GAD2: variants seen among roughly 807,000 people sequenced by gnomAD.
The protein encoded by GAD2 is glutamate decarboxylase 2.
Under a neutral mutation model 80.1 loss-of-function variants are expected in GAD2, and 22 were observed. That is an observed-to-expected ratio of 0.27 (90% CI 0.20 to 0.39). The LOEUF (loss-of-function observed/expected upper bound fraction) is 0.39. GAD2 is among the 10% of genes least tolerant of loss of function. The pLI, the probability that GAD2 is intolerant of heterozygous loss-of-function variation, is 1.00. For missense variants in GAD2, 624 were observed against 738.4 expected, an observed-to-expected ratio of 0.85 and a Z score of 1.80; for synonymous variants, 274 against 256.9, an observed-to-expected ratio of 1.07 and a Z score of -0.64.
chr10:26,296,362 A>G (rs1280457301), intron 15 of GAD2, among the ~76,000 whole-genome samples: 6 of 152,244 alleles, frequency 3.9e-5, no homozygotes, highest in East Asian at 1.9e-4. Flanking sequence ...AGGAAACCTA[A>G]TAGTGGCTCA....
At chr10:26,244,562 G>A (rs1844782101) in intron 7 of GAD2, among the ~76,000 whole-genome samples, 1 of 152,114 alleles carries the variant, frequency 6.6e-6, no homozygotes, top group Non-Finnish European at 1.5e-5. Flanking sequence ...AAAAAGGAAG[G>A]AAATTCTCAC....
At chr10:26,262,269 G>GT (rs11424034) in intron 8 of GAD2, among the ~76,000 whole-genome samples, 39,114 of 135,872 alleles carry the variant, frequency 0.29, 6,621 homozygotes, top group African/African-American at 0.5. Context: ...TTGGTTATTA[G>GT]TTTTTTTTTT....
chr10:26,294,215 G>A (rs1361668953), intron 15 of GAD2, among the ~76,000 whole-genome samples: 2 of 152,158 alleles, frequency 1.3e-5, no homozygotes, highest in Admixed American at 6.5e-5. Flanking sequence ...CAAGAGCCCC[G>A]CAGGCTGTCC....
chr10:26,249,156 G>A (rs1049953091), intron 8 of GAD2, among the ~76,000 whole-genome samples: 2 of 152,108 alleles, frequency 1.3e-5, no homozygotes, highest in African/African-American at 4.8e-5. Flanking sequence ...TCTGCCTCCC[G>A]GGTTCAAGCG....
intron 8 of GAD2, among the ~76,000 whole-genome samples, chr10:26,254,726 G>A (rs1178420526): frequency 6.6e-6 from 1 of 152,228 alleles, no homozygotes; most frequent in Non-Finnish European, 1.5e-5. Context: ...TATTTTAAAT[G>A]CAGAGTGGGC....
At chr10:26,260,299 G>A (rs994938352) in intron 8 of GAD2, among the ~76,000 whole-genome samples, 12 of 151,824 alleles carry the variant, frequency 7.9e-5, no homozygotes, top group Non-Finnish European at 1.5e-4. Flanking sequence ...ACATTATTGC[G>A]GGTAAATATT....
intron 15 of GAD2, among the ~76,000 whole-genome samples, chr10:26,295,044 G>A (rs1311960979): frequency 6.6e-6 from 1 of 151,232 alleles, no homozygotes; most frequent in Non-Finnish European, 1.5e-5. Flanking sequence ...TTATCACTGG[G>A]CTGAGGGATG....
At chr10:26,292,690 G>A (rs1187064379) in intron 14 of GAD2, 118 bp downstream of exon 14, 1 of 880,296 alleles carries the variant, frequency 1.1e-6, no homozygotes, top group Non-Finnish European at 1.8e-6. Flanking sequence ...GGGAGCAGTG[G>A]ATGACGGGGT....
At chr10:26,218,112 G>C in intron 3 of GAD2, 121 bp downstream of exon 3, 1 of 1,063,300 alleles carries the variant, frequency 9.4e-7, no homozygotes, top group Non-Finnish European at 1.3e-6. Flanking sequence ...GCGGAGGCGG[G>C]ACCTGCCAGA....
At chr10:26,240,656 C>G (rs1243023826) in intron 7 of GAD2, among the ~76,000 whole-genome samples, 1 of 151,228 alleles carries the variant, frequency 6.6e-6, no homozygotes, top group Non-Finnish European at 1.5e-5. Flanking sequence ...CACTTAAACC[C>G]AGGAGGCGGA....
rs941980384 is a variant in GAD2 at position 26,301,488 on chromosome 10, A to G, written c.*527A>G. 2.0e-5 allele frequency: 3 copies of G among 152,116 alleles called. No homozygotes were observed. Among genetic ancestry groups the G allele is most frequent in the African/African-American group, 7.2e-5 (3 of 41,456 alleles). 9.4% of individuals were successfully genotyped at this position (152,116 alleles called of 1,614,324 possible). On this transcript the variant is annotated 3_prime_UTR_variant, in exon 16 of 16. Coordinates refer to ENST00000376261, the MANE Select transcript of GAD2 (RefSeq NM_001134366.2). ...GGAAAATATATATATTAAAAAAGAT[A>G]TCCTATTTTGTAACATATAGATTTT... is the stretch of plus-strand genomic sequence containing the variant.
chr10:26,277,160 C>T (rs1351826227), intron 11 of GAD2, among the ~76,000 whole-genome samples: 4 of 152,150 alleles, frequency 2.6e-5, no homozygotes, highest in Admixed American at 6.5e-5. Flanking sequence ...GGTACTTCAT[C>T]GGGCAGAAAT....
chr10:26,234,249 G>C (rs1157120196), intron 7 of GAD2, among the ~76,000 whole-genome samples: 1 of 151,788 alleles, frequency 6.6e-6, no homozygotes, highest in Admixed American at 6.6e-5. Context: ...ACTGGAACCC[G>C]GGAGGCAGAG....
At chr10:26,227,395 A>G (rs1309768043) in intron 6 of GAD2, among the ~76,000 whole-genome samples, 1 of 152,206 alleles carries the variant, frequency 6.6e-6, no homozygotes, top group Non-Finnish European at 1.5e-5. Context: ...TCTCTCACTC[A>G]GAGCTGCTGA....
chr10:26,285,477 A>G (rs1199080405), intron 12 of GAD2, among the ~76,000 whole-genome samples: 2 of 152,216 alleles, frequency 1.3e-5, no homozygotes, highest in African/African-American at 2.4e-5. Context: ...GTGTTTCATG[A>G]CAAATTGAAA....
Position 26,216,958 on chromosome 10 carries a change from A to C in GAD2, c.76+73A>C. ...TGGGGTTTGCGGAACTACGGAGAAG[A>C]CGAAGGAGGTTTTTCCACCTGCAAC... On this transcript the variant is annotated intron_variant, in intron 1 of 15. Coordinates refer to ENST00000376261, the MANE Select transcript of GAD2 (RefSeq NM_001134366.2). The surrounding 1 kb of genome is among the most constrained non-coding windows in gnomAD (Gnocchi z 4.7). 1 of 1,346,358 alleles carries C rather than the reference A, an allele frequency of 7.4e-7. No homozygotes were observed. Among genetic ancestry groups the C allele is most frequent in the Non-Finnish European group, 1.0e-6 (1 of 958,728 alleles). 83.4% of individuals were successfully genotyped at this position (1,346,358 alleles called of 1,614,324 possible). A position where few individuals can be genotyped will look rare whatever the true frequency, so the allele number is the denominator to read the frequency against.
intron 13 of GAD2, among the ~76,000 whole-genome samples, chr10:26,286,996 T>C (rs1256491413): frequency 6.6e-6 from 1 of 152,220 alleles, no homozygotes; most frequent in Non-Finnish European, 1.5e-5. Flanking sequence ...AATCACCTCC[T>C]TTTATGTAGA....
At chr10:26,218,950 T>C (rs1844419666) in intron 3 of GAD2, 93 bp from the exon 4 acceptor site, 1 of 922,260 alleles carries the variant, frequency 1.1e-6, no homozygotes, top group Admixed American at 3.4e-5. Flanking sequence ...ATGAAATCTC[T>C]CAATTCAAAG....
intron 13 of GAD2, among the ~76,000 whole-genome samples, chr10:26,289,328 T>G (rs915269370): frequency 6.6e-6 from 1 of 152,154 alleles, no homozygotes; most frequent in Non-Finnish European, 1.5e-5. Flanking sequence ...AGGAAGAACA[T>G]AGCATTAATT....
Sources: gnomAD v4.1 joint callset for allele counts (sites outside exome capture counted in the v4.1 genomes callset) on GRCh38, gnomAD v4.1.1 for gene constraint, Gnocchi (gnomAD v3.1) non-coding constraint, MANE v1.5 for transcripts, NCBI Gene and HGNC (gene_info 2026-07-23, HGNC 2026-07-21) for gene names.